LINGO2: variants seen among roughly 807,000 people sequenced by gnomAD.
LINGO2 encodes leucine-rich repeat and immunoglobulin-like domain-containing nogo receptor-interacting protein 2.
A neutral mutation model predicts 30.6 loss-of-function variants in LINGO2; 14 were observed. The observed-to-expected ratio is 0.46, with a 90% CI of 0.30 to 0.72. LINGO2 has a LOEUF of 0.72. LINGO2 is among the 30% of genes least tolerant of loss of function. The probability of loss-of-function intolerance (pLI) is 0.07; values close to 1 mark genes in which losing one functional copy is unlikely to be tolerated. For synonymous variants in LINGO2, 317 were observed against 288.5 expected (o/e 1.10, Z -1.00); for missense variants, 729 against 751.7 (o/e 0.97, Z 0.35).
intron 5 of LINGO2, among the ~76,000 whole-genome samples, chr9:27,974,868 C>T (rs1408145036): frequency 6.6e-6 from 1 of 152,102 alleles, no homozygotes. Flanking sequence ...GAATTCCAAG[C>T]CTATTTAATT....
chr9:29,191,276 T>A, the LINGO2 span, among the ~76,000 whole-genome samples: 1 of 152,168 alleles, frequency 6.6e-6, no homozygotes, highest in African/African-American at 2.4e-5. Context: ...TTGCTATGAC[T>A]TTGGTATATA....
Position 28,531,558 on chromosome 9 carries a change from G to A in LINGO2, c.-364-55533C>T, listed in dbSNP as rs554583668. Among the ~76,000 whole-genome samples, 16 of 152,092 alleles carry A rather than the reference G, an allele frequency of 1.1e-4. No individual in the cohort carries two copies. The South Asian group carries it at 3.3e-3, about 32-fold the overall frequency. ...TTACATAAAGAAAACTTGCATTTTT[G>A]AAGGTTTATCTTATTTAAGTATCTA... On this transcript the variant is annotated intron_variant, in intron 1 of 5. Coordinates refer to ENST00000379992, the Ensembl canonical transcript of LINGO2.
At chr9:28,469,159 C>T (rs1214183226) in intron 2 of LINGO2, among the ~76,000 whole-genome samples, 2 of 151,456 alleles carry the variant, frequency 1.3e-5, no homozygotes, top group African/African-American at 2.4e-5. Context: ...AATACAATAT[C>T]TGAATTGAAA....
At chr9:28,580,897 A>T (rs1824226344) in intron 1 of LINGO2, among the ~76,000 whole-genome samples, 1 of 152,024 alleles carries the variant, frequency 6.6e-6, no homozygotes. Flanking sequence ...TCCTGGAGTG[A>T]CAGTTGAACC....
chr9:28,189,333 A>G (rs867440955), intron 4 of LINGO2, among the ~76,000 whole-genome samples: 9 of 23,878 alleles, frequency 3.8e-4, no homozygotes, highest in Admixed American at 8.2e-4. Flanking sequence ...GGGAGGGAGG[A>G]AGGAAGGAAG....
chr9:28,673,961 A>T (rs1048398389), upstream of LINGO2, among the ~76,000 whole-genome samples: 59 of 146,202 alleles, frequency 4.0e-4, no homozygotes, highest in African/African-American at 1.5e-3. Context: ...AAGAAAAAAT[A>T]AAAAAAAAAT....
chr9:28,229,370 C>G (rs1026973540), intron 4 of LINGO2, among the ~76,000 whole-genome samples: 2 of 151,220 alleles, frequency 1.3e-5, no homozygotes, highest in African/African-American at 2.4e-5. Context: ...TCTATAATAA[C>G]TGTAGAAGAA....
rs552565565 is a variant in LINGO2 at position 28,222,398 on chromosome 9, T to C, written c.-87+72810A>G. ...TCACAGCTTTTGAATCGAATACCTA[T>C]ATGTGCTAATGCATTTCTAACAAAT... On this transcript the variant is annotated intron_variant, in intron 4 of 5. Transcript: ENST00000379992. Among the ~76,000 whole-genome samples, 11 of 152,266 alleles carry C rather than the reference T, an allele frequency of 7.2e-5. No individual in the cohort carries two copies. The South Asian group carries it at 1.9e-3, about 26-fold the overall frequency.
chr9:28,743,265 G>A, the LINGO2 span, among the ~76,000 whole-genome samples: 60 of 151,788 alleles, frequency 4.0e-4, 1 homozygote, highest in African/African-American at 9.2e-4. Context: ...TACACGTGCC[G>A]TGGTGGTTTG....
the LINGO2 span, among the ~76,000 whole-genome samples, chr9:29,130,335 G>A: frequency 6.6e-6 from 1 of 152,220 alleles, no homozygotes; most frequent in East Asian, 1.9e-4. Context: ...AGCCTCCAAA[G>A]TGATAACAGC....
the LINGO2 span, among the ~76,000 whole-genome samples, chr9:28,988,111 C>A: frequency 2.6e-5 from 4 of 152,138 alleles, no homozygotes; most frequent in African/African-American, 9.6e-5. Context: ...ATGAATGGTC[C>A]TTTATTGAAA....
At chr9:28,131,808 A>G (rs1219938725) in intron 4 of LINGO2, among the ~76,000 whole-genome samples, 1 of 152,150 alleles carries the variant, frequency 6.6e-6, no homozygotes, top group Non-Finnish European at 1.5e-5. Context: ...AATGCATCAC[A>G]CCTCTTAGGT....
the LINGO2 span, among the ~76,000 whole-genome samples, chr9:28,748,098 T>C: frequency 6.6e-6 from 1 of 152,024 alleles, no homozygotes; most frequent in African/African-American, 2.4e-5. Flanking sequence ...TTGAGGTCTA[T>C]GGTGATTTCT....
chr9:28,214,145 T>C (rs191570602), intron 4 of LINGO2, among the ~76,000 whole-genome samples: 62 of 151,668 alleles, frequency 4.1e-4, no homozygotes, highest in Non-Finnish European at 7.4e-4. Context: ...TCGAAAGAAG[T>C]TTCAAAAATT....
chr9:29,177,668 A>C, the LINGO2 span, among the ~76,000 whole-genome samples: 1 of 152,148 alleles, frequency 6.6e-6, no homozygotes, highest in African/African-American at 2.4e-5. Flanking sequence ...TCCACTAATC[A>C]TGATGTTGAT....
the LINGO2 span, among the ~76,000 whole-genome samples, chr9:28,887,126 A>G: frequency 6.6e-6 from 1 of 152,280 alleles, no homozygotes; most frequent in Admixed American, 6.5e-5. Context: ...AATGATGAAC[A>G]AAGAGCTATA....
At chr9:29,051,330 A>T in the LINGO2 span, among the ~76,000 whole-genome samples, 1 of 152,234 alleles carries the variant, frequency 6.6e-6, no homozygotes, top group African/African-American at 2.4e-5. Context: ...GTAACAACTG[A>T]TCTTTCACCA....
At chr9:28,396,976 A>G (rs1156490382) in intron 2 of LINGO2, among the ~76,000 whole-genome samples, 1 of 152,066 alleles carries the variant, frequency 6.6e-6, no homozygotes, top group African/African-American at 2.4e-5. Flanking sequence ...TTTTGCAAGT[A>G]TTTTCCTAAT....
At chr9:28,046,758 TC>T (rs371704313) in intron 4 of LINGO2, among the ~76,000 whole-genome samples, 2 of 150,392 alleles carry the variant, frequency 1.3e-5, no homozygotes, top group African/African-American at 5.0e-5. Context: ...CACGATATTG[TC>T]CCCTGATGCA....
Sources: gnomAD v4.1 joint callset for allele counts (sites outside exome capture counted in the v4.1 genomes callset) on GRCh38, gnomAD v4.1.1 for gene constraint, MANE v1.5 for transcripts, NCBI Gene and HGNC (gene_info 2026-07-23, HGNC 2026-07-21) for gene names.